TAOK3: variants seen among roughly 807,000 people sequenced by gnomAD.
TAOK3 encodes TAO kinase 3, also known as serine/threonine-protein kinase TAO3.
In TAOK3, 40 loss-of-function variants were observed where a neutral mutation model predicts 120.4. That is an observed-to-expected ratio of 0.33 (90% confidence interval 0.26 to 0.43). The LOEUF is 0.43. TAOK3 is among the 20% of genes least tolerant of loss of function. The pLI is 1.00. For synonymous variants in TAOK3, 355 were observed against 387.5 expected, an observed-to-expected ratio of 0.92 and a Z score of 0.99; for missense variants, 821 against 1,112.1, an observed-to-expected ratio of 0.74 and a Z score of 3.72.
At chr12:118,320,456 GAAC>G (rs1183930838) in intron 1 of TAOK3, among the ~76,000 whole-genome samples, 2 of 151,910 alleles carry the variant, frequency 1.3e-5, no homozygotes, top group African/African-American at 2.4e-5. Flanking sequence ...ATAAGATACT[GAAC>G]AATAATATAC....
Position 118,246,976 on chromosome 12 carries a change from C to G in TAOK3, c.121-2011G>C, listed in dbSNP as rs186332306. On this transcript the variant is annotated intron_variant, in intron 3 of 20. Transcript: ENST00000392533. ...GTGGCTACAACATAGGGTTTTTATA[C>G]AAGAAAAATAAAGTGAATTAAGCGT... 4.5e-5 allele frequency: 46 copies of G among 1,016,190 alleles called. No individual in the cohort carries two copies. In the East Asian group the frequency reaches 1.1e-3, roughly 25 times the overall value. The allele number at this position is 1,016,190 out of a possible 1,614,324, so 62.9% of individuals were successfully genotyped here.
rs1473363946 is a variant in TAOK3 at position 118,371,575 on chromosome 12, G to C, written c.-194+1073C>G. Among the ~76,000 whole-genome samples, 1 of 152,006 alleles carries C rather than the reference G, an allele frequency of 6.6e-6. No homozygotes were observed. Among genetic ancestry groups the C allele is most frequent in the Non-Finnish European group, 1.5e-5 (1 of 67,970 alleles). ...CTCACACTCCACCCTCAGGGAGGTCGCTGATGCCAGACCCTGGGAGCACCT... is the reference window on the plus strand; with the variant it reads ...CTCACACTCCACCCTCAGGGAGGTCCCTGATGCCAGACCCTGGGAGCACCT... On this transcript the variant is annotated intron_variant, in intron 1 of 20. Transcript: ENST00000392533. The surrounding 1 kb of genome is among the most constrained non-coding windows in gnomAD (Gnocchi z 5.5).
chr12:118,246,015 T>C (rs2040475920), intron 3 of TAOK3: 2 of 641,436 alleles, frequency 3.1e-6, no homozygotes, highest in Admixed American at 3.6e-5. Context: ...TTTTGCAAAA[T>C]AGTAATAATG....
rs559655446 is a variant in TAOK3 at position 118,210,086 on chromosome 12, T to C, written c.819+2828A>G. On this transcript the variant is annotated intron_variant, in intron 11 of 20. Coordinates refer to ENST00000392533, the MANE Select transcript of TAOK3 (RefSeq NM_016281.4). ...GAAGAACATACAGCTTCTTTAGCCA[T>C]GCAAAATAAATAAATAAGTATTTGG... Among the ~76,000 whole-genome samples, 21 of 152,278 alleles carry C rather than the reference T, an allele frequency of 1.4e-4. No individual in the cohort carries two copies. In the South Asian group the frequency reaches 4.3e-3, roughly 32 times the overall value.
intron 1 of TAOK3, chr12:118,283,771 A>T (rs1593406104): frequency 4.9e-6 from 1 of 203,400 alleles, no homozygotes; most frequent in East Asian, 1.5e-4. Flanking sequence ...AACAAACCAG[A>T]CAGAATTTTT....
chr12:118,319,005 T>C (rs1055264059), intron 1 of TAOK3, among the ~76,000 whole-genome samples: 4 of 152,164 alleles, frequency 2.6e-5, no homozygotes, highest in Non-Finnish European at 5.9e-5. Flanking sequence ...CTCATTTATG[T>C]GTGGTATCTG....
At chr12:118,201,239 G>T in intron 12 of TAOK3, 57 bp downstream of exon 12, 1 of 1,515,380 alleles carries the variant, frequency 6.6e-7, no homozygotes, top group South Asian at 1.3e-5. Flanking sequence ...GCCCAGTCTA[G>T]AACTTTTTCA....
chr12:118,251,465 A>G (rs564330676), intron 3 of TAOK3, among the ~76,000 whole-genome samples: 12 of 152,306 alleles, frequency 7.9e-5, no homozygotes, highest in African/African-American at 2.6e-4. Flanking sequence ...ACATTTATAT[A>G]CAGGCCCTAT....
intron 9 of TAOK3, among the ~76,000 whole-genome samples, chr12:118,223,407 C>T (rs371457105): frequency 6.6e-6 from 1 of 151,230 alleles, no homozygotes; most frequent in Non-Finnish European, 1.5e-5. Context: ...AGTACAATGG[C>T]GTGATCTTGG....
At chr12:118,292,895 T>C (rs1184842813) in intron 1 of TAOK3, among the ~76,000 whole-genome samples, 1 of 152,372 alleles carries the variant, frequency 6.6e-6, no homozygotes, top group East Asian at 1.9e-4. Context: ...CAAGTAATCC[T>C]GTAATGGGAC....
chr12:118,310,471 T>C (rs982217698), intron 1 of TAOK3, among the ~76,000 whole-genome samples: 3 of 152,220 alleles, frequency 2.0e-5, no homozygotes, highest in Non-Finnish European at 4.4e-5. Flanking sequence ...TCCATTTAAA[T>C]TTGTATCTTG....
At chr12:118,299,274 CTATA>C (rs2042788906) in intron 1 of TAOK3, among the ~76,000 whole-genome samples, 1 of 152,034 alleles carries the variant, frequency 6.6e-6, no homozygotes, top group African/African-American at 2.4e-5. Flanking sequence ...TTTTTCTTCC[CTATA>C]TAAACTTCTC....
chr12:118,191,415 C>T (rs2037423656), intron 13 of TAOK3, among the ~76,000 whole-genome samples: 1 of 152,162 alleles, frequency 6.6e-6, no homozygotes, highest in Non-Finnish European at 1.5e-5. Context: ...CGCTGTCCAG[C>T]AAGATAGTGA....
At position 118,279,544 on chromosome 12, in the gene TAOK3, T is replaced by G. The variant is rs576194108; in HGVS notation, c.-193-12785A>C. On this transcript the variant is annotated intron_variant, in intron 1 of 20. Coordinates refer to ENST00000392533, the MANE Select transcript of TAOK3 (RefSeq NM_016281.4). ...TTACCTTCCAGTGTTTTTATAGTTTTAGGTTTTACATGTAAGTCTTTAATC... is the reference window on the plus strand; with the variant it reads ...TTACCTTCCAGTGTTTTTATAGTTTGAGGTTTTACATGTAAGTCTTTAATC... Among the ~76,000 whole-genome samples the G allele has an allele frequency of 4.4e-3, 662 of 152,064 alleles. 3 individuals are homozygous for G. Among genetic ancestry groups the G allele is most frequent in the Non-Finnish European group, 7.9e-3 (539 of 67,966 alleles).
At position 118,255,439 on chromosome 12, in the gene TAOK3, A is replaced by G. The variant is rs1380826579; in HGVS notation, c.120+9T>C. 1.2e-6 allele frequency: 2 copies of G among 1,613,966 alleles called. No individual in the cohort carries two copies. Among genetic ancestry groups the G allele is most frequent in the Non-Finnish European group, 1.7e-6 (2 of 1,179,942 alleles). On this transcript the variant is annotated intron_variant, in intron 3 of 20. Transcript: ENST00000392533. ...CTGATCTATCTAAAAGACTCTTTTA[A>G]GTACTTACAAAATAAACTGCTCCAA...
Position 118,161,947 on chromosome 12 carries a change from C to T in TAOK3, c.1980G>A (p.Glu660=). Residue 660 remains glutamate (E), a synonymous_variant, in exon 18 of 21, where the codon GAG becomes GAA. Transcript: ENST00000392533. The surrounding 1 kb of genome is among the most constrained non-coding windows in gnomAD (Gnocchi z 4.5). ...TCTGTAACGTGTGCAGCTGCCTGTA[C>T]TCTAGCTCTCGGGTGGACTCGTCGT... ...IRHDESTREL[E]YRQLHTLQKL... 2 of 1,614,170 alleles carry T rather than the reference C, an allele frequency of 1.2e-6. No individual in the cohort carries two copies. The highest frequency in any genetic ancestry group is 1.7e-6 in the Non-Finnish European group (2 of 1,180,036).
In TAOK3 at chr12:118,283,859, C is replaced by T. The variant is rs191062771; in HGVS notation, c.-193-17100G>A. On this transcript the variant is annotated intron_variant, in intron 1 of 20. Coordinates refer to ENST00000392533, the MANE Select transcript of TAOK3 (RefSeq NM_016281.4). ...GCATGTTACTTAAATGTCTGTTCTG[C>T]GGATTTGGGAAATCATTCATTGGAA... Among the ~76,000 whole-genome samples the T allele has an allele frequency of 3.2e-4, 49 of 152,264 alleles. No homozygotes were observed. In the East Asian group the frequency reaches 8.7e-3, roughly 27 times the overall value.
In TAOK3 at chr12:118,189,876, C is replaced by T. The variant is rs1260556796; in HGVS notation, c.1260G>A (p.Gln420=). The change falls in exon 14 of 21, where the codon CAG becomes CAA. Residue 420 remains glutamine (Q), a synonymous_variant. Transcript: ENST00000392533. ...AGTGGAGGGCCTGGCTCTGAACTGA[C>T]TGGGTAGGCCGCGGCTCAGGCCTGG... is the stretch of plus-strand genomic sequence containing the variant. ...GDPRPEPRPT[Q]SVQSQALHYR... The T allele has an allele frequency of 1.2e-6, 2 of 1,614,086 alleles. No individual in the cohort carries two copies. Among genetic ancestry groups the T allele is most frequent in the Non-Finnish European group, 1.7e-6 (2 of 1,180,036 alleles).
At chr12:118,190,103 C>T in intron 13 of TAOK3, 162 bp from the exon 14 acceptor site, 2 of 805,972 alleles carry the variant, frequency 2.5e-6, no homozygotes, top group Non-Finnish European at 3.8e-6. Context: ...GAATAAGCAA[C>T]ACATTGCAGC....
Sources: gnomAD v4.1 joint callset for allele counts (sites outside exome capture counted in the v4.1 genomes callset) on GRCh38, gnomAD v4.1.1 for gene constraint, Gnocchi (gnomAD v3.1) non-coding constraint, MANE v1.5 for transcripts, NCBI Gene and HGNC (gene_info 2026-07-23, HGNC 2026-07-21) for gene names.